MSH3: variants seen among roughly 807,000 people sequenced by gnomAD.
The protein encoded by MSH3 is DNA mismatch repair protein Msh3.
Under a neutral mutation model 123.3 loss-of-function variants are expected in MSH3, and 106 were observed. That is an observed-to-expected ratio of 0.86 (90% CI 0.73 to 1.01). The LOEUF (loss-of-function observed/expected upper bound fraction) is 1.01. MSH3 is among the 50% of genes least tolerant of loss of function. The probability of loss-of-function intolerance (pLI) is 0.00; values close to 1 mark genes in which losing one functional copy is unlikely to be tolerated. For synonymous variants in MSH3, 515 were observed against 481.4 expected (o/e 1.07, Z -0.91); for missense variants, 1,459 against 1,347.6 (o/e 1.08, Z -1.29).
At chr5:80,740,737 C>G (rs1279380507) in intron 10 of MSH3, among the ~76,000 whole-genome samples, 1 of 139,456 alleles carries the variant, frequency 7.2e-6, no homozygotes. Flanking sequence ...TTTGCCGAGG[C>G]GTAGTCTCAC....
chr5:80,750,843 C>T (rs1471652021), intron 12 of MSH3, among the ~76,000 whole-genome samples: 1 of 152,150 alleles, frequency 6.6e-6, no homozygotes, highest in Non-Finnish European at 1.5e-5. Flanking sequence ...GGTCTCTCTA[C>T]GTAGAATATT....
chr5:80,698,163 A>G (rs1008180164), intron 8 of MSH3, among the ~76,000 whole-genome samples: 5 of 152,176 alleles, frequency 3.3e-5, no homozygotes, highest in Admixed American at 6.5e-5. Context: ...TGGCCTCCCC[A>G]AAATGTTGGA....
rs10044991 is a variant in MSH3, at chr5:80,691,859, C to G, written c.1340+12766C>G. Among the ~76,000 whole-genome samples the G allele has an allele frequency of 1.9e-5, 2 of 108,032 alleles. 1 individual carries two copies. Among genetic ancestry groups the G allele is most frequent in the African/African-American group, 7.0e-5 (2 of 28,490 alleles). 70.9% of individuals were successfully genotyped at this position (108,032 alleles called of 152,430 possible). ...AATAAACATGTATATATTTATATAG[C>G]TAAACATGTATGTTTATATAGATAA... On this transcript the variant is annotated intron_variant, in intron 8 of 23. Transcript: ENST00000265081.
At chr5:80,782,156 A>T (rs1026439246) in intron 17 of MSH3, among the ~76,000 whole-genome samples, 5 of 152,152 alleles carry the variant, frequency 3.3e-5, no homozygotes, top group Admixed American at 3.3e-4. Context: ...ATACATATAT[A>T]TATGTATATG....
chr5:80,852,839 A>T (rs1328295439), intron 20 of MSH3, among the ~76,000 whole-genome samples: 1 of 152,194 alleles, frequency 6.6e-6, no homozygotes, highest in African/African-American at 2.4e-5. Context: ...TGAAAGGTAC[A>T]TTATGGTGCT....
At chr5:80,674,874 C>T in intron 6 of MSH3, 109 bp from the exon 7 acceptor site, 1 of 996,238 alleles carries the variant, frequency 1.0e-6, no homozygotes, top group Non-Finnish European at 1.5e-6. Context: ...GCCACTGCGC[C>T]TGGCTGTGAA....
intron 19 of MSH3, among the ~76,000 whole-genome samples, chr5:80,804,137 G>T (rs901185813): frequency 2.6e-5 from 4 of 152,186 alleles, no homozygotes; most frequent in African/African-American, 7.2e-5. Flanking sequence ...TCTACAGATT[G>T]CTTTAGTTAC....
chr5:80,735,060 G>C (rs1743478985), intron 10 of MSH3, among the ~76,000 whole-genome samples: 1 of 152,138 alleles, frequency 6.6e-6, no homozygotes, highest in Non-Finnish European at 1.5e-5. Flanking sequence ...AGAAGAGGGA[G>C]GCTGGAGAAA....
intron 21 of MSH3, among the ~76,000 whole-genome samples, chr5:80,860,761 CTTTCTCTCTTTAT>C (rs1746002928): frequency 6.6e-6 from 1 of 151,888 alleles, no homozygotes; most frequent in South Asian, 2.1e-4. Flanking sequence ...TCTTCTGTTT[CTTTCTCTCTTTAT>C]TTTCTCTCTG....
chr5:80,657,466 C>T (rs1749318711), intron 2 of MSH3, among the ~76,000 whole-genome samples: 1 of 152,064 alleles, frequency 6.6e-6, no homozygotes, highest in Admixed American at 6.5e-5. Flanking sequence ...CAAAAAACAG[C>T]ACAAAAATAA....
In MSH3 at chr5:80,767,924, T is replaced by C. The variant is rs1319206348; in HGVS notation, c.1897-9T>C. On this transcript the variant is annotated splice_polypyrimidine_tract_variant and intron_variant, in intron 13 of 23. Transcript: ENST00000265081. Reference sequence around the variant, plus strand: ...TATGCTATTTCATAAAAAATATTTCTATTTTCAGTGTTCTACCCAAGAGTT... The same window carrying C: ...TATGCTATTTCATAAAAAATATTTCCATTTTCAGTGTTCTACCCAAGAGTT... 1.9e-6 allele frequency: 3 copies of C among 1,590,192 alleles called. No homozygotes were observed. In the South Asian group the frequency reaches 3.3e-5, roughly 18 times the overall value.
intron 21 of MSH3, among the ~76,000 whole-genome samples, chr5:80,854,754 T>C (rs1175106766): frequency 1.3e-5 from 2 of 152,228 alleles, no homozygotes; most frequent in Admixed American, 6.5e-5. Context: ...TTGTAGTTTT[T>C]TGATATATGT....
chr5:80,729,956 TTAAC>T (rs1743382121), intron 10 of MSH3, among the ~76,000 whole-genome samples: 1 of 152,024 alleles, frequency 6.6e-6, no homozygotes, highest in African/African-American at 2.4e-5. Flanking sequence ...AGAATAGAAA[TTAAC>T]TAGGAAACAA....
intron 17 of MSH3, among the ~76,000 whole-genome samples, chr5:80,782,044 T>C (rs1744419239): frequency 6.6e-6 from 1 of 152,234 alleles, no homozygotes; most frequent in South Asian, 2.1e-4. Flanking sequence ...GACTTTTATA[T>C]TTTTAAAGAT....
chr5:80,753,619 A>C (rs1337894342), intron 12 of MSH3, among the ~76,000 whole-genome samples: 1 of 152,178 alleles, frequency 6.6e-6, no homozygotes, highest in Non-Finnish European at 1.5e-5. Flanking sequence ...TGGTTAGGGA[A>C]GCTAGCTGTT....
Position 80,692,451 on chromosome 5 carries a change from GAT to G in MSH3, c.1340+13360_1340+13361del, listed in dbSNP as rs1580565369. Reference sequence around the variant, plus strand: ...AGATAGATAAACATGTATATGTTTAGATAGATAAACATGTATATGTTTAGATA... The same window carrying G: ...AGATAGATAAACATGTATATGTTTAGAGATAAACATGTATATGTTTAGATA... On this transcript the variant is annotated intron_variant, in intron 8 of 23. Coordinates refer to ENST00000265081, the MANE Select transcript of MSH3 (RefSeq NM_002439.5). Among the ~76,000 whole-genome samples, 28 of 41,474 alleles carry G rather than the reference GAT, an allele frequency of 6.8e-4. 6 individuals carry two copies. Among genetic ancestry groups the G allele is most frequent in the African/African-American group, 1.2e-3 (7 of 5,780 alleles). 27.2% of individuals were successfully genotyped at this position (41,474 alleles called of 152,430 possible).
At chr5:80,661,629 T>G (rs771823028) in intron 2 of MSH3, among the ~76,000 whole-genome samples, 8 of 152,240 alleles carry the variant, frequency 5.3e-5, no homozygotes, top group Non-Finnish European at 8.8e-5. Flanking sequence ...ATTTATAAAT[T>G]GTATTTTCTT....
chr5:80,863,671 A>T (rs1483950727), intron 21 of MSH3, among the ~76,000 whole-genome samples: 1 of 152,018 alleles, frequency 6.6e-6, no homozygotes, highest in Non-Finnish European at 1.5e-5. Flanking sequence ...AAAAAAAAAA[A>T]AGAAAAGAAA....
intron 7 of MSH3, among the ~76,000 whole-genome samples, chr5:80,677,345 A>G (rs1442529959): frequency 6.6e-6 from 1 of 152,194 alleles, no homozygotes; most frequent in African/African-American, 2.4e-5. Flanking sequence ...AGTGTGATAC[A>G]TATCACACAG....
Sources: allele counts gnomAD v4.1 joint callset (sites outside exome capture counted in the v4.1 genomes callset), GRCh38; gene constraint gnomAD v4.1.1; transcripts MANE v1.5; gene names NCBI Gene and HGNC (gene_info 2026-07-23, HGNC 2026-07-21).